Variants in CDH18 observed in about 807,000 individuals in gnomAD.
CDH18 encodes the protein cadherin 18.
In CDH18, 31 loss-of-function variants were observed where a neutral mutation model predicts 67.9. That is an observed-to-expected ratio of 0.46 (90% confidence interval 0.34 to 0.62). The LOEUF is 0.62. Ranked by LOEUF, CDH18 falls within the 20% of genes least tolerant of loss-of-function variation. CDH18 has a pLI of 0.01. For synonymous variants in CDH18, 362 were observed against 347.2 expected, an observed-to-expected ratio of 1.04 and a Z score of -0.48; for missense variants, 890 against 975.5, an observed-to-expected ratio of 0.91 and a Z score of 1.17.
chr5:19,984,268 TTA>T (rs148855367), intron 1 of CDH18, among the ~76,000 whole-genome samples: 14,975 of 151,964 alleles, frequency 0.099, 956 homozygotes, highest in Non-Finnish European at 0.13. Flanking sequence ...CATTGAAAAA[TTA>T]TTTTTAAAAT....
intron 3 of CDH18, among the ~76,000 whole-genome samples, chr5:19,819,163 T>C (rs935136593): frequency 3.3e-5 from 5 of 151,914 alleles, no homozygotes; most frequent in Non-Finnish European, 5.9e-5. Context: ...GTATATATAT[T>C]AGTAAAGAAT....
chr5:20,450,741 A>C (rs1010588597), intron 1 of CDH18, among the ~76,000 whole-genome samples: 2 of 152,166 alleles, frequency 1.3e-5, no homozygotes, highest in African/African-American at 4.8e-5. Context: ...CTCACACTAC[A>C]TATGAAAAAA....
intron 1 of CDH18, among the ~76,000 whole-genome samples, chr5:20,453,751 G>C (rs1241144435): frequency 6.6e-6 from 1 of 151,996 alleles, no homozygotes; most frequent in Non-Finnish European, 1.5e-5. Flanking sequence ...CAGCTCAGCT[G>C]TCATTAATTT....
At chr5:20,116,316 G>A (rs1747907339) in intron 2 of CDH18, among the ~76,000 whole-genome samples, 1 of 151,738 alleles carries the variant, frequency 6.6e-6, no homozygotes, top group African/African-American at 2.4e-5. Context: ...TTGAGATCAG[G>A]CTGGCCAACA....
At chr5:19,771,713 T>C (rs1247474434) in intron 3 of CDH18, among the ~76,000 whole-genome samples, 1 of 152,134 alleles carries the variant, frequency 6.6e-6, no homozygotes, top group East Asian at 1.9e-4. Flanking sequence ...TATCTCAAAA[T>C]AGTATGCTGA....
intron 1 of CDH18, among the ~76,000 whole-genome samples, chr5:20,402,837 G>A (rs1197705221): frequency 1.3e-5 from 2 of 151,958 alleles, no homozygotes; most frequent in Non-Finnish European, 2.9e-5. Flanking sequence ...GAACCCGTGA[G>A]GCGGAGGTTG....
chr5:20,037,647 G>C (rs767375168), intron 2 of CDH18, among the ~76,000 whole-genome samples: 13 of 152,012 alleles, frequency 8.6e-5, no homozygotes, highest in Non-Finnish European at 1.8e-4. Context: ...TAAGTTCTTT[G>C]AAATCAATGA....
chr5:19,505,286 T>C (rs1743931600), intron 10 of CDH18, among the ~76,000 whole-genome samples: 1 of 152,098 alleles, frequency 6.6e-6, no homozygotes, highest in South Asian at 2.1e-4. Flanking sequence ...GACTTCCTCT[T>C]TTCCTAATTG....
intron 2 of CDH18, among the ~76,000 whole-genome samples, chr5:19,998,969 G>T (rs2150397961): frequency 6.6e-6 from 1 of 152,034 alleles, no homozygotes; most frequent in East Asian, 1.9e-4. Context: ...AGGAAGAAGA[G>T]AATCGTAAAA....
intron 2 of CDH18, among the ~76,000 whole-genome samples, chr5:19,966,659 C>T (rs752898113): frequency 2.0e-5 from 3 of 151,934 alleles, no homozygotes; most frequent in Non-Finnish European, 4.4e-5. Flanking sequence ...TGGAAATCAG[C>T]TCAAAGCCTG....
chr5:19,827,119 A>G (rs1171699554), intron 3 of CDH18, among the ~76,000 whole-genome samples: 2 of 152,156 alleles, frequency 1.3e-5, no homozygotes, highest in Non-Finnish European at 2.9e-5. Context: ...ACCAATGAAC[A>G]AAAAAGGCAA....
chr5:19,745,405 T>C (rs1293881167), intron 4 of CDH18, among the ~76,000 whole-genome samples: 2 of 152,158 alleles, frequency 1.3e-5, no homozygotes, highest in South Asian at 2.1e-4. Context: ...TTAACCCCTG[T>C]GGTTATGACA....
chr5:19,626,173 C>A (rs148619640), intron 5 of CDH18, among the ~76,000 whole-genome samples: 1 of 151,920 alleles, frequency 6.6e-6, no homozygotes, highest in South Asian at 2.1e-4. Flanking sequence ...ACCACTCAAG[C>A]GACAACACTA....
chr5:20,305,643 G>C (rs534518715), intron 1 of CDH18: 2 of 436,420 alleles, frequency 4.6e-6, no homozygotes, highest in South Asian at 4.3e-5. Context: ...CGCCATGTCC[G>C]GGGGGTGGGG....
chr5:20,124,045 A>T (rs1370811347), intron 2 of CDH18, among the ~76,000 whole-genome samples: 2 of 152,194 alleles, frequency 1.3e-5, no homozygotes, highest in African/African-American at 2.4e-5. Flanking sequence ...TTATGTAAGG[A>T]TACAAATCAT....
At chr5:20,048,075 C>T (rs1741065123) in intron 2 of CDH18, among the ~76,000 whole-genome samples, 1 of 151,424 alleles carries the variant, frequency 6.6e-6, no homozygotes, top group African/African-American at 2.4e-5. Flanking sequence ...TCCTGTTTTT[C>T]AGTCATTGTT....
chr5:19,637,408 G>T (rs1379276083), intron 5 of CDH18, among the ~76,000 whole-genome samples: 3 of 151,072 alleles, frequency 2.0e-5, no homozygotes, highest in Middle Eastern at 3.6e-3. Flanking sequence ...CCTTGTTCTG[G>T]TCCCTACACT....
intron 3 of CDH18, among the ~76,000 whole-genome samples, chr5:19,790,521 TA>T (rs1484326017): frequency 6.6e-6 from 1 of 152,122 alleles, no homozygotes; most frequent in Admixed American, 6.6e-5. Flanking sequence ...ATGAATTTGG[TA>T]AATTCTATAA....
intron 2 of CDH18, among the ~76,000 whole-genome samples, chr5:20,188,612 G>A (rs1738287316): frequency 6.6e-6 from 1 of 151,842 alleles, no homozygotes; most frequent in South Asian, 2.1e-4. Context: ...CTGTCACAGG[G>A]AGTTTAAATA....
Sources: allele counts gnomAD v4.1 joint callset (sites outside exome capture counted in the v4.1 genomes callset), GRCh38; gene constraint gnomAD v4.1.1; transcripts MANE v1.5; gene names NCBI Gene and HGNC (gene_info 2026-07-23, HGNC 2026-07-21).